The following IL23R variants were observed in gnomAD, a reference collection of about 807,000 sequenced individuals.
IL23R encodes the protein interleukin-23 receptor.
Under a neutral mutation model 56.9 loss-of-function variants are expected in IL23R, and 34 were observed. The ratio of observed to expected loss-of-function variants is 0.60; its 90% confidence interval spans 0.45 to 0.80. The LOEUF (loss-of-function observed/expected upper bound fraction) is 0.80, where lower values mean the gene tolerates loss of function less well. IL23R is among the 30% of genes least tolerant of loss of function. The pLI, the probability that IL23R is intolerant of heterozygous loss-of-function variation, is 0.00. For synonymous variants in IL23R, 230 were observed against 249.2 expected, an observed-to-expected ratio of 0.92 and a Z score of 0.73; for missense variants, 635 against 730.0, an observed-to-expected ratio of 0.87 and a Z score of 1.50.
At chr1:67,241,906 CT>C (rs1651876760) in intron 9 of IL23R, among the ~76,000 whole-genome samples, 1 of 152,166 alleles carries the variant, frequency 6.6e-6, no homozygotes, top group African/African-American at 2.4e-5. Context: ...CATTAATCCC[CT>C]ACAACTGAAT....
chr1:67,233,602 A>T (rs527487319), intron 7 of IL23R, among the ~76,000 whole-genome samples: 1 of 152,350 alleles, frequency 6.6e-6, no homozygotes, highest in South Asian at 2.1e-4. Context: ...ATAAGAAACC[A>T]TATTTCTCGT....
intron 7 of IL23R, among the ~76,000 whole-genome samples, chr1:67,231,107 G>T: frequency 6.6e-6 from 1 of 152,072 alleles, no homozygotes; most frequent in East Asian, 1.9e-4. Flanking sequence ...CCCCTGAAAG[G>T]TCCAGAAAAG....
At chr1:67,200,347 TA>T (rs1558239959) in intron 4 of IL23R, among the ~76,000 whole-genome samples, 1 of 152,020 alleles carries the variant, frequency 6.6e-6, no homozygotes, top group African/African-American at 2.4e-5. Context: ...TAATTTTTTT[TA>T]AAAAGGTAAC....
At chr1:67,230,387 G>A (rs1376797600) in intron 7 of IL23R, among the ~76,000 whole-genome samples, 2 of 152,204 alleles carry the variant, frequency 1.3e-5, no homozygotes, top group Non-Finnish European at 2.9e-5. Context: ...GAGAGCAAGG[G>A]TGTACTTCTG....
At chr1:67,177,809 A>G (rs902176069) in intron 3 of IL23R, among the ~76,000 whole-genome samples, 1 of 151,156 alleles carries the variant, frequency 6.6e-6, no homozygotes, top group Non-Finnish European at 1.5e-5. Context: ...GGTGCAAGGA[A>G]GGGATCCAGT....
At chr1:67,193,560 C>T (rs1034578899) in intron 4 of IL23R, among the ~76,000 whole-genome samples, 2 of 151,890 alleles carry the variant, frequency 1.3e-5, no homozygotes, top group African/African-American at 4.8e-5. Flanking sequence ...GCTCAGGGAA[C>T]ATCAGAAAAA....
intron 4 of IL23R, among the ~76,000 whole-genome samples, chr1:67,191,579 C>T (rs969587955): frequency 8.5e-5 from 13 of 152,120 alleles, no homozygotes; most frequent in Non-Finnish European, 1.3e-4. Flanking sequence ...TTGTTCCTGA[C>T]CTCTACCACC....
chr1:67,151,440 G>T (rs950073067), intron 1 of IL23R, among the ~76,000 whole-genome samples: 3 of 152,174 alleles, frequency 2.0e-5, no homozygotes, highest in Admixed American at 6.5e-5. Context: ...CTGTGCAGAA[G>T]ATCTTTAGTT....
intron 8 of IL23R, among the ~76,000 whole-genome samples, chr1:67,239,544 C>T (rs746675966): frequency 6.6e-6 from 1 of 152,266 alleles, no homozygotes; most frequent in Non-Finnish European, 1.5e-5. Context: ...GGATTATAGG[C>T]GTGAGTCACT....
Position 67,258,671 on chromosome 1 carries a change from C to T in IL23R, c.1433C>T (p.Pro478Leu). 3 of 1,613,928 alleles carry T rather than the reference C, an allele frequency of 1.9e-6. No individual in the cohort carries two copies. The highest frequency in any genetic ancestry group is 2.5e-6 in the Non-Finnish European group (3 of 1,179,916). ...LFDNTTVVYI[P>L]DLNTGYKPQI... ...GACAATACTACAGTTGTATATATTC[C>T]TGATCTCAACACTGGATATAAACCC... The change falls in exon 11 of 11, where the codon CCT becomes CTT. Residue 478 changes from proline (P) to leucine (L), a missense_variant. Transcript: ENST00000347310.
At chr1:67,158,099 C>CCCCCTGGGGGGCTTACCAGGGGCTTA (rs913030491) in intron 1 of IL23R, among the ~76,000 whole-genome samples, 1 of 151,944 alleles carries the variant, frequency 6.6e-6, no homozygotes, top group African/African-American at 2.4e-5. Context: ...GCCTGTAATC[C>CCCCCTGGGGGGCTTACCAGGGGCTTA]CAGCTACCTG....
chr1:67,153,985 G>C (rs1646750723), intron 1 of IL23R, among the ~76,000 whole-genome samples: 1 of 152,232 alleles, frequency 6.6e-6, no homozygotes, highest in Non-Finnish European at 1.5e-5. Flanking sequence ...AGTCAGAATG[G>C]TCTCGATCTC....
At chr1:67,198,964 C>T (rs1460042212) in intron 4 of IL23R, among the ~76,000 whole-genome samples, 1 of 152,084 alleles carries the variant, frequency 6.6e-6, no homozygotes, top group African/African-American at 2.4e-5. Context: ...CATATCCACC[C>T]CCATTGGCTT....
chr1:67,185,470 C>A (rs576600898), intron 4 of IL23R, among the ~76,000 whole-genome samples: 1 of 152,040 alleles, frequency 6.6e-6, no homozygotes, highest in Non-Finnish European at 1.5e-5. Flanking sequence ...TTTTGAGCCA[C>A]GGTCTCTGTC....
intron 1 of IL23R, among the ~76,000 whole-genome samples, chr1:67,150,248 C>CTTTTTTTTTTTTTTTTTTTT: frequency 9.1e-6 from 1 of 110,264 alleles, no homozygotes; most frequent in African/African-American, 3.5e-5. Flanking sequence ...GCATTTCGAA[C>CTTTTTTTTTTTTTTTTTTTT]TTTTTTTTTT....
chr1:67,172,592 A>G (rs983709070), intron 3 of IL23R, among the ~76,000 whole-genome samples: 2 of 152,236 alleles, frequency 1.3e-5, no homozygotes, highest in Non-Finnish European at 2.9e-5. Context: ...TCATTTAAAA[A>G]TACCAAATTA....
Position 67,247,140 on chromosome 1 carries a change from CT to C in IL23R, c.1148+6869del, listed in dbSNP as rs199799110. Among the ~76,000 whole-genome samples, 302 of 148,630 alleles carry C rather than the reference CT, an allele frequency of 2.0e-3. 6 individuals are homozygous for C. In the East Asian group the frequency reaches 0.043, roughly 21 times the overall value. ...TCAGAGACTAGGATTGCAACCCCTG[CT>C]TTTTTTTTTCTTTCCATTTTCTTGG... On this transcript the variant is annotated intron_variant, in intron 9 of 10. Transcript: ENST00000347310.
chr1:67,205,691 A>G (rs1487081607), intron 5 of IL23R, among the ~76,000 whole-genome samples: 1 of 152,228 alleles, frequency 6.6e-6, no homozygotes, highest in Non-Finnish European at 1.5e-5. Flanking sequence ...GAACATGCCA[A>G]CAATTTACAA....
chr1:67,259,198 A>G lies in IL23R; in HGVS notation c.*70A>G. 1 of 1,457,870 alleles carries G rather than the reference A, an allele frequency of 6.9e-7. No individual in the cohort carries two copies. Among genetic ancestry groups the G allele is most frequent in the East Asian group, 2.3e-5 (1 of 43,686 alleles). The allele number at this position is 1,457,870 out of a possible 1,614,324, so 90.3% of individuals were successfully genotyped here. A position where few individuals can be genotyped will look rare whatever the true frequency, so the allele number is the denominator to read the frequency against. On this transcript the variant is annotated 3_prime_UTR_variant, in exon 11 of 11. Transcript: ENST00000347310. ...GAACTTGGGTTTTCCCTGCAATAGA[A>G]ATTGAATTCTGCCTCTTTTTGAAAA...
Sources: gnomAD v4.1 joint callset for allele counts (sites outside exome capture counted in the v4.1 genomes callset) on GRCh38, gnomAD v4.1.1 for gene constraint, MANE v1.5 for transcripts, NCBI Gene and HGNC (gene_info 2026-07-23, HGNC 2026-07-21) for gene names.